Variants in LOC400499 observed in about 807,000 individuals in gnomAD.
the LOC400499 span, among the ~76,000 whole-genome samples, chr16:11,512,237 A>G: frequency 9.9e-5 from 15 of 151,618 alleles, no homozygotes; most frequent in African/African-American, 3.6e-4. Flanking sequence ...AGCTGAGATC[A>G]TGCTACTGCA....
At chr16:11,399,542 G>A in the LOC400499 span, 1 of 398,718 alleles carries the variant, frequency 2.5e-6, no homozygotes, top group East Asian at 3.6e-5. Context: ...GAACACAGCT[G>A]GGGTCTGCGT....
chr16:11,387,408 G>A, the LOC400499 span: 2 of 866,218 alleles, frequency 2.3e-6, no homozygotes, highest in East Asian at 6.7e-5. Flanking sequence ...GAGCATGAGG[G>A]TGCCTTTCAG....
chr16:11,478,909 G>T, the LOC400499 span, among the ~76,000 whole-genome samples: 3 of 152,136 alleles, frequency 2.0e-5, no homozygotes, highest in Admixed American at 6.5e-5. Context: ...TAAAAATGGG[G>T]GTTTCTCTGC....
At chr16:11,447,950 C>T in the LOC400499 span, 2 of 1,535,728 alleles carry the variant, frequency 1.3e-6, no homozygotes, top group Admixed American at 2.0e-5. Flanking sequence ...AGCAAGGCCC[C>T]CCGTTTCCGG....
the LOC400499 span, chr16:11,491,606 G>A: frequency 3.4e-5 from 13 of 378,784 alleles, no homozygotes; most frequent in Admixed American, 1.4e-4. Flanking sequence ...GGGGTGGAGG[G>A]AGAGGATGCT....
At chr16:11,397,781 G>C in the LOC400499 span, among the ~76,000 whole-genome samples, 3 of 109,148 alleles carry the variant, frequency 2.7e-5, no homozygotes, top group African/African-American at 6.2e-5. Flanking sequence ...GATGGAGGGA[G>C]GGAGGGAGGG....
chr16:11,416,658 G>C, the LOC400499 span, among the ~76,000 whole-genome samples: 1 of 152,148 alleles, frequency 6.6e-6, no homozygotes. Context: ...GCTGGGGAGA[G>C]GGATGGGAGG....
chr16:11,379,466 A>G, the LOC400499 span, among the ~76,000 whole-genome samples: 4 of 151,760 alleles, frequency 2.6e-5, no homozygotes, highest in Admixed American at 2.6e-4. Context: ...TAGTATAGCT[A>G]CTCCTTCTCT....
chr16:11,403,236 C>G, the LOC400499 span, among the ~76,000 whole-genome samples: 5 of 152,170 alleles, frequency 3.3e-5, no homozygotes, highest in African/African-American at 9.7e-5. Flanking sequence ...GGAGCCGTGC[C>G]CAGAGACACT....
chr16:11,492,653 C>G, the LOC400499 span, among the ~76,000 whole-genome samples: 1 of 151,902 alleles, frequency 6.6e-6, no homozygotes, highest in South Asian at 2.1e-4. Flanking sequence ...GGCGTGGTGG[C>G]GGGCACCTGT....
chr16:11,425,513 G>C, the LOC400499 span: 12 of 398,228 alleles, frequency 3.0e-5, no homozygotes, highest in East Asian at 4.3e-4. Context: ...AAAAGAATTT[G>C]GGGGTAAGAA....
At chr16:11,498,835 C>A in the LOC400499 span, among the ~76,000 whole-genome samples, 1 of 151,456 alleles carries the variant, frequency 6.6e-6, no homozygotes, top group Non-Finnish European at 1.5e-5. Context: ...CACTTCCCTC[C>A]GCACACACCA....
chr16:11,429,270 C>T, the LOC400499 span, among the ~76,000 whole-genome samples: 3 of 152,040 alleles, frequency 2.0e-5, no homozygotes, highest in Non-Finnish European at 1.5e-5. Context: ...GCAGCTCCCC[C>T]CTCTTTCTCT....
At chr16:11,502,735 C>A in the LOC400499 span, among the ~76,000 whole-genome samples, 1 of 151,752 alleles carries the variant, frequency 6.6e-6, no homozygotes, top group African/African-American at 2.4e-5. Context: ...CCGCCTCAGC[C>A]TCCTGAGTAG....
the LOC400499 span, among the ~76,000 whole-genome samples, chr16:11,429,504 A>C: frequency 1.2e-4 from 19 of 152,132 alleles, no homozygotes; most frequent in African/African-American, 3.9e-4. Context: ...ACAGAGTCTC[A>C]CTCTATCACC....
the LOC400499 span, among the ~76,000 whole-genome samples, chr16:11,463,145 G>C: frequency 6.6e-6 from 1 of 152,164 alleles, no homozygotes; most frequent in African/African-American, 2.4e-5. Flanking sequence ...GATGGGCCAC[G>C]GGGACAGCTC....
chr16:11,506,774 C>A, the LOC400499 span, among the ~76,000 whole-genome samples: 1 of 152,282 alleles, frequency 6.6e-6, no homozygotes, highest in Non-Finnish European at 1.5e-5. Context: ...AAAAACAAAC[C>A]TTGTCTCCTG....
At chr16:11,518,933 T>C in the LOC400499 span, 1 of 399,046 alleles carries the variant, frequency 2.5e-6, no homozygotes, top group Middle Eastern at 6.3e-4. Flanking sequence ...AAGCTCCACC[T>C]TGGCCCCCAG....
the LOC400499 span, among the ~76,000 whole-genome samples, chr16:11,400,694 G>A: frequency 6.6e-6 from 1 of 152,144 alleles, no homozygotes; most frequent in Admixed American, 6.5e-5. Context: ...ACTGGCCTCG[G>A]CCTCCCTCAG....
Sources: allele counts gnomAD v4.1 joint callset (sites outside exome capture counted in the v4.1 genomes callset), GRCh38; gene constraint gnomAD v4.1.1; transcripts MANE v1.5.